Variants in LHFPL2 observed in about 807,000 individuals in gnomAD.
The protein encoded by LHFPL2 is LHFPL tetraspan subfamily member 2 protein.
In LHFPL2, 7 loss-of-function variants were observed where a neutral mutation model predicts 17.5. That is an observed-to-expected ratio of 0.40 (90% CI 0.23 to 0.75). LHFPL2 has a LOEUF of 0.75. LHFPL2 is among the 30% of genes least tolerant of loss of function. LHFPL2 has a pLI of 0.37. For synonymous variants in LHFPL2, 134 were observed against 116.2 expected (o/e 1.15, Z -0.99); for missense variants, 241 against 294.8 (o/e 0.82, Z 1.34).
At chr5:78,537,432 G>A (rs1191419914) in intron 3 of LHFPL2, among the ~76,000 whole-genome samples, 1 of 152,154 alleles carries the variant, frequency 6.6e-6, no homozygotes, top group Non-Finnish European at 1.5e-5. Flanking sequence ...AGCCCATCCT[G>A]GCTCACCCAG....
intron 2 of LHFPL2, among the ~76,000 whole-genome samples, chr5:78,603,424 T>C (rs192982676): frequency 5.9e-5 from 9 of 152,374 alleles, no homozygotes; most frequent in Non-Finnish European, 1.0e-4. Flanking sequence ...GTTGTTTTGT[T>C]CTTTCTCATT....
At chr5:78,639,190 T>G (rs558264062) in intron 1 of LHFPL2, among the ~76,000 whole-genome samples, 29 of 152,214 alleles carry the variant, frequency 1.9e-4, no homozygotes, top group African/African-American at 6.7e-4. Flanking sequence ...GGGTTCTTAT[T>G]ATTCAGTGTG....
intron 4 of LHFPL2, among the ~76,000 whole-genome samples, chr5:78,497,228 G>A (rs947665749): frequency 3.3e-5 from 5 of 152,098 alleles, no homozygotes; most frequent in Non-Finnish European, 7.4e-5. Context: ...TGTTCCCTTT[G>A]CCTGGAATGT....
At chr5:78,541,012 A>G (rs1348981807) in intron 3 of LHFPL2, among the ~76,000 whole-genome samples, 4 of 152,240 alleles carry the variant, frequency 2.6e-5, no homozygotes, top group African/African-American at 9.6e-5. Flanking sequence ...GCACAGCCTG[A>G]GGTCTCCATG....
intron 3 of LHFPL2, among the ~76,000 whole-genome samples, chr5:78,531,407 A>G: frequency 7.1e-6 from 1 of 141,436 alleles, no homozygotes; most frequent in Non-Finnish European, 1.6e-5. Context: ...CAACAAGAGC[A>G]AAACTCCATC....
intron 3 of LHFPL2, among the ~76,000 whole-genome samples, chr5:78,511,998 G>C (rs901418308): frequency 1.3e-5 from 2 of 152,056 alleles, no homozygotes; most frequent in African/African-American, 4.8e-5. Flanking sequence ...CGTCTGAGCC[G>C]GTAAGGGTAG....
At chr5:78,492,304 G>A (rs146357688) in intron 4 of LHFPL2, among the ~76,000 whole-genome samples, 21 of 152,326 alleles carry the variant, frequency 1.4e-4, no homozygotes, top group African/African-American at 4.8e-4. Context: ...AACATTAACT[G>A]CACATTGCAC....
chr5:78,639,180 G>A (rs1214668449), intron 1 of LHFPL2, among the ~76,000 whole-genome samples: 1 of 151,840 alleles, frequency 6.6e-6, no homozygotes, highest in Non-Finnish European at 1.5e-5. Context: ...ACCACCATTG[G>A]GGTTCTTATT....
At chr5:78,573,963 T>C (rs982550251) in intron 2 of LHFPL2, among the ~76,000 whole-genome samples, 1 of 152,188 alleles carries the variant, frequency 6.6e-6, no homozygotes, top group African/African-American at 2.4e-5. Context: ...GATCGTTTAC[T>C]TCAAACTACT....
chr5:78,522,310 C>T (rs1343470642), intron 3 of LHFPL2, among the ~76,000 whole-genome samples: 1 of 152,000 alleles, frequency 6.6e-6, no homozygotes, highest in African/African-American at 2.4e-5. Flanking sequence ...TGGTGGCGGG[C>T]ACCTGTAGTC....
rs1745948634 is a variant in LHFPL2 at position 78,648,075 on chromosome 5, C to G, written c.-350+424G>C. ...ACGGACCAGGGACAGCAGGGGCGAC[C>G]ACGGGGCGGCCCCCAGGGAGCGGTG... On this transcript the variant is annotated intron_variant, in intron 1 of 4. Transcript: ENST00000380345. The surrounding 1 kb of genome is among the most constrained non-coding windows in gnomAD (Gnocchi z 5.4). Among the ~76,000 whole-genome samples, 1 of 152,184 alleles carries G rather than the reference C, an allele frequency of 6.6e-6. No homozygotes were observed. The highest frequency in any genetic ancestry group is 2.4e-5 in the African/African-American group (1 of 41,454).
intron 3 of LHFPL2, among the ~76,000 whole-genome samples, chr5:78,524,064 A>T (rs535542914): frequency 7.9e-5 from 12 of 152,308 alleles, no homozygotes; most frequent in Admixed American, 1.3e-4. Context: ...GTTTTGCCTG[A>T]TGAGCAGAGG....
intron 4 of LHFPL2, among the ~76,000 whole-genome samples, chr5:78,506,016 C>T (rs921586357): frequency 1.3e-5 from 2 of 152,226 alleles, no homozygotes; most frequent in Non-Finnish European, 2.9e-5. Context: ...GACATGTGCA[C>T]AGTATTTAGA....
chr5:78,579,451 C>T (rs1742999048), intron 2 of LHFPL2, among the ~76,000 whole-genome samples: 1 of 152,134 alleles, frequency 6.6e-6, no homozygotes, highest in Non-Finnish European at 1.5e-5. Context: ...ACTAACTCGT[C>T]ATCTAGCATT....
chr5:78,593,338 G>A (rs1348373679), intron 2 of LHFPL2, among the ~76,000 whole-genome samples: 1 of 152,114 alleles, frequency 6.6e-6, no homozygotes. Flanking sequence ...CTAAAGTCAA[G>A]AGTGCAAGGT....
intron 2 of LHFPL2, among the ~76,000 whole-genome samples, chr5:78,610,544 G>C (rs908438900): frequency 3.3e-5 from 5 of 152,156 alleles, no homozygotes; most frequent in Admixed American, 1.3e-4. Flanking sequence ...TGGTGAGCAG[G>C]AGAGGCCAGA....
intron 2 of LHFPL2, among the ~76,000 whole-genome samples, chr5:78,617,917 CAG>C (rs1744676985): frequency 6.6e-6 from 1 of 151,690 alleles, no homozygotes; most frequent in African/African-American, 2.4e-5. Context: ...TAAAAAAATT[CAG>C]GGGCTGGGCG....
chr5:78,638,636 G>A (rs1312338013), intron 1 of LHFPL2, among the ~76,000 whole-genome samples: 2 of 152,260 alleles, frequency 1.3e-5, no homozygotes, highest in East Asian at 3.9e-4. Context: ...CCCTCCGGCC[G>A]CCTGCAAAGG....
rs75466791 is a variant in LHFPL2 at position 78,603,616 on chromosome 5, A to G, written c.-245+28648T>C. Among the ~76,000 whole-genome samples the G allele has an allele frequency of 6.1e-3, 930 of 152,344 alleles. 8 individuals carry two copies. The highest frequency in any genetic ancestry group is 8.0e-3 in the Admixed American group (123 of 15,302). ...GTTTGCTGGCCGGGCATGGTGGCCC[A>G]TGCCTATATTCCCAGCACTTTGAGA... is the stretch of plus-strand genomic sequence containing the variant. On this transcript the variant is annotated intron_variant, in intron 2 of 4. Coordinates refer to ENST00000380345, the MANE Select transcript of LHFPL2 (RefSeq NM_005779.3).
Sources: gnomAD v4.1 joint callset for allele counts (sites outside exome capture counted in the v4.1 genomes callset) on GRCh38, gnomAD v4.1.1 for gene constraint, Gnocchi (gnomAD v3.1) non-coding constraint, MANE v1.5 for transcripts, NCBI Gene and HGNC (gene_info 2026-07-23, HGNC 2026-07-21) for gene names.